TTC17: variants seen among roughly 807,000 people sequenced by gnomAD.
TTC17 encodes tetratricopeptide repeat domain 17, also known as tetratricopeptide repeat protein 17.
TTC17 carries 58 observed loss-of-function variants against 143.8 expected under a neutral mutation model. The observed-to-expected ratio is 0.40, with a 90% CI of 0.33 to 0.50. TTC17 has a LOEUF of 0.50. Among genes scored for constraint, TTC17 ranks in the 20% least tolerant of loss-of-function variants. The pLI is 0.49. For missense variants in TTC17, 1,273 were observed against 1,392.5 expected (o/e 0.91, Z 1.37); for synonymous variants, 501 against 497.8 (o/e 1.01, Z -0.09).
At chr11:43,409,631 T>C (rs1198610416) in intron 15 of TTC17, among the ~76,000 whole-genome samples, 2 of 152,190 alleles carry the variant, frequency 1.3e-5, no homozygotes, top group African/African-American at 4.8e-5. Flanking sequence ...GAGTTAAATG[T>C]ACAGAGTAAG....
At chr11:43,412,308 A>G (rs2134613769) in intron 15 of TTC17, among the ~76,000 whole-genome samples, 1 of 152,142 alleles carries the variant, frequency 6.6e-6, no homozygotes, top group East Asian at 1.9e-4. Flanking sequence ...ACACAATGAG[A>G]TCCACTCTCT....
At chr11:43,480,424 C>T (rs925848618) in intron 21 of TTC17, among the ~76,000 whole-genome samples, 3 of 152,042 alleles carry the variant, frequency 2.0e-5, no homozygotes, top group East Asian at 1.9e-4. Flanking sequence ...ATTGTGTGAC[C>T]TACAATGAAG....
chr11:43,394,099 G>GC (rs556661409), intron 5 of TTC17, among the ~76,000 whole-genome samples: 24 of 152,142 alleles, frequency 1.6e-4, no homozygotes, highest in Non-Finnish European at 3.4e-4. Flanking sequence ...CTCCTCACAG[G>GC]CCTGATAACA....
intron 16 of TTC17, among the ~76,000 whole-genome samples, chr11:43,426,615 A>G (rs1947034190): frequency 6.6e-6 from 1 of 152,190 alleles, no homozygotes; most frequent in African/African-American, 2.4e-5. Flanking sequence ...TTTGAATATC[A>G]TACTTGCTAC....
intron 16 of TTC17, among the ~76,000 whole-genome samples, chr11:43,419,065 C>T (rs748075730): frequency 2.6e-5 from 4 of 152,274 alleles, no homozygotes; most frequent in South Asian, 4.1e-4. Context: ...ACAGCAACTT[C>T]GCTGTTTACA....
At chr11:43,447,760 A>G in intron 18 of TTC17, 1 of 415,128 alleles carries the variant, frequency 2.4e-6, no homozygotes, top group Non-Finnish European at 4.3e-6. Context: ...ATCAATCTTA[A>G]ATCTAGCAAA....
Position 43,397,506 on chromosome 11 carries a change from T to A in TTC17, c.918+15T>A. On this transcript the variant is annotated intron_variant, in intron 7 of 23. Coordinates refer to ENST00000039989, the MANE Select transcript of TTC17 (RefSeq NM_018259.6). ...ATATATATGCAGTAAGTACTACTCTTTGTTTCATGAGTCATGCTAGTTGCC... is the reference window on the plus strand; with the variant it reads ...ATATATATGCAGTAAGTACTACTCTATGTTTCATGAGTCATGCTAGTTGCC... 6.3e-7 allele frequency: 1 copy of A among 1,580,464 alleles called. No homozygotes were observed. The highest frequency in any genetic ancestry group is 8.6e-7 in the Non-Finnish European group (1 of 1,165,304).
At chr11:43,476,434 C>T (rs1170959198) in intron 21 of TTC17, among the ~76,000 whole-genome samples, 3 of 152,280 alleles carry the variant, frequency 2.0e-5, no homozygotes, top group South Asian at 2.1e-4. Flanking sequence ...ATGGTGTATT[C>T]GTTCGTTTTC....
intron 16 of TTC17, among the ~76,000 whole-genome samples, chr11:43,431,617 G>A (rs1263123684): frequency 1.3e-5 from 2 of 152,226 alleles, no homozygotes; most frequent in African/African-American, 4.8e-5. Flanking sequence ...CAGGGAGTCA[G>A]GGCTAATAAT....
Position 43,447,919 on chromosome 11 carries a change from G to C in TTC17, c.2666-83G>C, listed in dbSNP as rs2134745110. On this transcript the variant is annotated intron_variant, in intron 18 of 23. Transcript: ENST00000039989. ...TAGCACCTCCAAATACACCAATCCA[G>C]GTGAAGTAATCACCAGGGCATAAGG... The C allele has an allele frequency of 2.0e-6, 3 of 1,535,044 alleles. No homozygotes were observed. The East Asian group carries it at 6.8e-5, about 35-fold the overall frequency.
intron 15 of TTC17, among the ~76,000 whole-genome samples, chr11:43,408,233 T>C (rs543492104): frequency 6.6e-6 from 1 of 152,354 alleles, no homozygotes; most frequent in East Asian, 1.9e-4. Flanking sequence ...TGTCTAAATG[T>C]TTATAGGTTT....
intron 11 of TTC17, 24 bp from the exon 12 acceptor site, chr11:43,405,490 T>C: frequency 6.4e-7 from 1 of 1,563,670 alleles, no homozygotes; most frequent in Non-Finnish European, 8.8e-7. Context: ...AAGAAATTTA[T>C]GAGAAATTTT....
intron 21 of TTC17, among the ~76,000 whole-genome samples, chr11:43,473,503 C>G (rs1948128179): frequency 6.6e-6 from 1 of 152,154 alleles, no homozygotes; most frequent in South Asian, 2.1e-4. Flanking sequence ...ACCCATCACA[C>G]TGGCAAAAAT....
At chr11:43,384,743 T>C (rs2134501837) in intron 2 of TTC17, among the ~76,000 whole-genome samples, 1 of 152,364 alleles carries the variant, frequency 6.6e-6, no homozygotes, top group East Asian at 1.9e-4. Context: ...TTTCAAACTC[T>C]ACAATCAGAT....
rs1037075319 is a variant in TTC17 at position 43,389,897 on chromosome 11, C to G, written c.419+76C>G. 4 of 1,350,464 alleles carry G rather than the reference C, an allele frequency of 3.0e-6. No individual in the cohort carries two copies. In the African/African-American group the frequency reaches 5.9e-5, roughly 20 times the overall value. The allele number at this position is 1,350,464 out of a possible 1,614,324, so 83.7% of individuals were successfully genotyped here. On this transcript the variant is annotated intron_variant, in intron 3 of 23. Coordinates refer to ENST00000039989, the MANE Select transcript of TTC17 (RefSeq NM_018259.6). ...TTCTCAAATTAGTAAGAAATTATTT[C>G]TGTAATAAGGGTAAGCTTCAATCAC...
At chr11:43,422,507 C>A (rs1234410899) in intron 16 of TTC17, among the ~76,000 whole-genome samples, 1 of 151,856 alleles carries the variant, frequency 6.6e-6, no homozygotes, top group Non-Finnish European at 1.5e-5. Flanking sequence ...GAAAATGGGT[C>A]AAAAATCAGT....
chr11:43,367,494 C>T (rs1258730814), intron 1 of TTC17, among the ~76,000 whole-genome samples: 2 of 152,100 alleles, frequency 1.3e-5, no homozygotes, highest in East Asian at 1.9e-4. Context: ...GGGATTAGAA[C>T]CAGCTGTGGG....
intron 1 of TTC17, among the ~76,000 whole-genome samples, chr11:43,360,467 C>G (rs183311729): frequency 2.0e-5 from 3 of 152,180 alleles, no homozygotes; most frequent in African/African-American, 7.2e-5. Context: ...AGTGGTTTTC[C>G]CTGAGGTCTC....
chr11:43,423,500 G>T, intron 16 of TTC17, among the ~76,000 whole-genome samples: 1 of 152,114 alleles, frequency 6.6e-6, no homozygotes, highest in Middle Eastern at 3.4e-3. Flanking sequence ...TGGAAGAGCA[G>T]GGTCATGAAG....
Sources: allele counts gnomAD v4.1 joint callset (sites outside exome capture counted in the v4.1 genomes callset), GRCh38; gene constraint gnomAD v4.1.1; transcripts MANE v1.5; gene names NCBI Gene and HGNC (gene_info 2026-07-23, HGNC 2026-07-21).